The following NLRP1 variants were observed in gnomAD, a reference collection of about 807,000 sequenced individuals.
NLRP1 encodes NACHT, LRR and PYD domains-containing protein 1.
NLRP1 carries 94 observed loss-of-function variants against 136.7 expected under a neutral mutation model. The observed-to-expected ratio is 0.69, with a 90% CI of 0.58 to 0.82. NLRP1 has a LOEUF of 0.82. Among genes scored for constraint, NLRP1 ranks in the 40% least tolerant of loss-of-function variants. NLRP1 has a pLI of 0.00. For missense variants in NLRP1, 1,575 were observed against 1,802.7 expected (o/e 0.87, Z 2.29); for synonymous variants, 690 against 725.1 (o/e 0.95, Z 0.78).
chr17:5,583,261 T>C lies in NLRP1; in HGVS notation c.272-415A>G, dbSNP rs1905906907. On this transcript the variant is annotated intron_variant, in intron 1 of 16. Transcript: ENST00000572272. The surrounding 1 kb of genome is among the most constrained non-coding windows in gnomAD (Gnocchi z 4.5). ...ACTGTATATCAGACTCTGTGCTAAATGTTTAACCTGGATGATCTCTTTTAA... is the reference window on the plus strand; with the variant it reads ...ACTGTATATCAGACTCTGTGCTAAACGTTTAACCTGGATGATCTCTTTTAA... 6.6e-6 allele frequency among the ~76,000 whole-genome samples: 1 copy of C among 152,194 alleles called. No individual in the cohort carries two copies. Among genetic ancestry groups the C allele is most frequent in the African/African-American group, 2.4e-5 (1 of 41,438 alleles).
intron 3 of NLRP1, among the ~76,000 whole-genome samples, chr17:5,579,716 C>T (rs1905389595): frequency 6.6e-6 from 1 of 152,150 alleles, no homozygotes; most frequent in East Asian, 1.9e-4. Context: ...GACATTTACA[C>T]ATGGAATACT....
chr17:5,523,866 T>C (rs11653957), intron 12 of NLRP1, among the ~76,000 whole-genome samples: 8,964 of 152,298 alleles, frequency 0.059, 318 homozygotes, highest in Middle Eastern at 0.096. Flanking sequence ...GTGGTATCTA[T>C]CATCTGAAAA....
chr17:5,505,852 C>T (rs1450033581), intron 15 of NLRP1: 1 of 152,404 alleles, frequency 6.6e-6, no homozygotes. Context: ...GCTCACCACT[C>T]TGGACATTTT....
At chr17:5,539,362 G>A (rs1911541229) in intron 7 of NLRP1, 53 bp downstream of exon 7, 3 of 1,522,470 alleles carry the variant, frequency 2.0e-6, no homozygotes, top group East Asian at 4.6e-5. Flanking sequence ...TCCCCTGTCC[G>A]ATACCCCCCC....
chr17:5,535,713 A>G (rs1910961101), intron 8 of NLRP1, among the ~76,000 whole-genome samples: 1 of 152,232 alleles, frequency 6.6e-6, no homozygotes, highest in African/African-American at 2.4e-5. Flanking sequence ...TGTTCAATGA[A>G]TAAATGGCTC....
At chr17:5,533,485 G>C in intron 9 of NLRP1, 101 bp from the exon 10 acceptor site, 1 of 654,076 alleles carries the variant, frequency 1.5e-6, no homozygotes, top group Non-Finnish European at 2.8e-6. Context: ...GAGCTCAGAA[G>C]GTTTAGGCTG....
At position 5,583,904 on chromosome 17, in the gene NLRP1, C is replaced by T; in HGVS notation, c.54G>A (p.Lys18=). The T allele has an allele frequency of 1.9e-6, 3 of 1,606,868 alleles. No homozygotes were observed. The highest frequency in any genetic ancestry group is 2.6e-6 in the Non-Finnish European group (3 of 1,176,130). Reference sequence around the variant, plus strand: ...GAAGCTGGAACTCCTTCAGCTCCTCCTTCTTCAGGAACTCCAAGTAACAGG... The same window carrying T: ...GAAGCTGGAACTCCTTCAGCTCCTCTTTCTTCAGGAACTCCAAGTAACAGG... The part of the protein sequence containing the change: ...RLACYLEFLK[K]EELKEFQLLL... The change falls in exon 1 of 17, where the codon AAG becomes AAA. Residue 18 remains lysine, a synonymous_variant. Transcript: ENST00000572272. The surrounding 1 kb of genome is among the most constrained non-coding windows in gnomAD (Gnocchi z 4.5).
chr17:5,560,120 G>A, intron 3 of NLRP1, 77 bp from the exon 4 acceptor site: 1 of 1,332,304 alleles, frequency 7.5e-7, no homozygotes, highest in Non-Finnish European at 1.0e-6. Flanking sequence ...AACTGTTTTA[G>A]GCACCTACTC....
chr17:5,501,947 G>T, intron 15 of NLRP1: 1 of 1,332,914 alleles, frequency 7.5e-7, no homozygotes, highest in Non-Finnish European at 1.1e-6. Flanking sequence ...GGCCGGCTTT[G>T]TTAGTTGCAG....
intron 3 of NLRP1, among the ~76,000 whole-genome samples, chr17:5,563,889 C>G (rs9905447): frequency 0.41 from 62,381 of 152,080 alleles, 14,806 homozygotes; most frequent in Non-Finnish European, 0.54. Flanking sequence ...GGCAGCTAGA[C>G]ACAGAAGGGG....
chr17:5,542,320 C>T (rs1005524338), intron 5 of NLRP1, among the ~76,000 whole-genome samples: 5 of 152,164 alleles, frequency 3.3e-5, no homozygotes, highest in African/African-American at 1.2e-4. Flanking sequence ...CTTGGATCCT[C>T]ATCATCTCTG....
intron 3 of NLRP1, among the ~76,000 whole-genome samples, chr17:5,579,028 G>A (rs1012191088): frequency 4.6e-5 from 7 of 152,000 alleles, no homozygotes; most frequent in East Asian, 1.9e-4. Context: ...ACCAAACACC[G>A]CATGTTCTCA....
chr17:5,556,899 C>T (rs1040269407), intron 4 of NLRP1, among the ~76,000 whole-genome samples: 11 of 152,018 alleles, frequency 7.2e-5, no homozygotes, highest in Non-Finnish European at 1.5e-4. Context: ...GCTGGGATTA[C>T]AGGTGTGAGC....
At chr17:5,562,742 A>G (rs924202674) in intron 3 of NLRP1, among the ~76,000 whole-genome samples, 1 of 152,190 alleles carries the variant, frequency 6.6e-6, no homozygotes, top group African/African-American at 2.4e-5. Flanking sequence ...GGCTCCCACC[A>G]GTGCCCTGCC....
intron 5 of NLRP1, among the ~76,000 whole-genome samples, chr17:5,547,169 C>T (rs1283145814): frequency 1.3e-5 from 2 of 152,154 alleles, no homozygotes; most frequent in Non-Finnish European, 2.9e-5. Flanking sequence ...ACATAGCATA[C>T]ATGGTCCTAA....
chr17:5,509,502 G>A (rs16954813), downstream of NLRP1, among the ~76,000 whole-genome samples: 43,057 of 152,012 alleles, frequency 0.28, 6,316 homozygotes, highest in African/African-American at 0.37. Context: ...GACTCCTTCA[G>A]GAAAGGCATT....
chr17:5,545,517 C>G (rs1912531637), intron 5 of NLRP1, among the ~76,000 whole-genome samples: 2 of 145,630 alleles, frequency 1.4e-5, no homozygotes, highest in South Asian at 5.2e-4. Flanking sequence ...CACACATACA[C>G]ACACAGACAC....
chr17:5,535,987 T>G (rs906203916), intron 8 of NLRP1, among the ~76,000 whole-genome samples: 3 of 148,692 alleles, frequency 2.0e-5, no homozygotes, highest in Non-Finnish European at 4.5e-5. Context: ...GCACAGGCGC[T>G]CTCTCTCTCT....
At chr17:5,535,994 C>CTT (rs1911009856) in intron 8 of NLRP1, among the ~76,000 whole-genome samples, 2 of 152,164 alleles carry the variant, frequency 1.3e-5, no homozygotes, top group South Asian at 4.1e-4. Flanking sequence ...CGCTCTCTCT[C>CTT]TCTGTCTTTA....
Sources: gnomAD v4.1 joint callset for allele counts (sites outside exome capture counted in the v4.1 genomes callset) on GRCh38, gnomAD v4.1.1 for gene constraint, Gnocchi (gnomAD v3.1) non-coding constraint, MANE v1.5 for transcripts, NCBI Gene and HGNC (gene_info 2026-07-23, HGNC 2026-07-21) for gene names.